Variants in CPHXL observed in about 807,000 individuals in gnomAD.
The protein encoded by CPHXL is cytoplasmic polyadenylated homeobox-like protein.
At chr16:75,718,806 A>G (rs1049753887) in intron 1 of CPHXL, among the ~76,000 whole-genome samples, 2 of 152,240 alleles carry the variant, frequency 1.3e-5, no homozygotes, top group Non-Finnish European at 2.9e-5. Flanking sequence ...ACAGCCTAAC[A>G]TATTTACTAT....
rs377443785 is a variant in CPHXL at position 75,716,702 on chromosome 16, C to T, written c.220-1480G>A. 2.6e-4 allele frequency among the ~76,000 whole-genome samples: 39 copies of T among 152,212 alleles called. No individual in the cohort carries two copies. In the South Asian group the frequency reaches 8.1e-3, roughly 32 times the overall value. On this transcript the variant is annotated intron_variant, in intron 2 of 2. Transcript: ENST00000640559. ...CATTGGCTATTGGTGATCAACTTAA[C>T]CTTCAGCTCCACCTCCTCTCCAGAA... is the stretch of plus-strand genomic sequence containing the variant.
At chr16:75,725,576 C>T (rs1959545012) in intron 1 of CPHXL, among the ~76,000 whole-genome samples, 1 of 151,756 alleles carries the variant, frequency 6.6e-6, no homozygotes, top group South Asian at 2.1e-4. Context: ...CCTCAGCCTC[C>T]CAAGTAGCTG....
rs1021850524 is a variant in CPHXL at position 75,714,313 on chromosome 16, T to C, written c.1129A>G (p.Ile377Val). The change falls in exon 3 of 3, where the codon ATA (isoleucine) becomes GTA (valine). Residue 377 changes from isoleucine (I) to valine (V), a missense_variant. Transcript: ENST00000640559. Reference protein sequence around the residue: ...CSQLQHMSLQIAADSPLLPLG... With the variant: ...CSQLQHMSLQVAADSPLLPLG... ...GGCAGAAGGGGTGAGTCGGCAGCTA[T>C]TTGGAGAGACATGTGCTGCAGTTGA... is the stretch of plus-strand genomic sequence containing the variant. 1.3e-5 allele frequency: 5 copies of C among 398,536 alleles called. No homozygotes were observed. Among genetic ancestry groups the C allele is most frequent in the Non-Finnish European group, 2.2e-5 (5 of 226,102 alleles). 24.7% of individuals were successfully genotyped at this position (398,536 alleles called of 1,614,324 possible).
chr16:75,721,036 A>G (rs1233817070), intron 1 of CPHXL, among the ~76,000 whole-genome samples: 1 of 152,198 alleles, frequency 6.6e-6, no homozygotes, highest in Non-Finnish European at 1.5e-5. Flanking sequence ...AAAATCCTCT[A>G]CAGACAAGCA....
At chr16:75,725,753 CTTTT>C (rs35659823) in intron 1 of CPHXL, among the ~76,000 whole-genome samples, 10 of 43,316 alleles carry the variant, frequency 2.3e-4, no homozygotes, top group East Asian at 3.4e-3. Context: ...TGCCCGGCGT[CTTTT>C]TTTTTTTTTT....
At chr16:75,718,501 G>C (rs1056981367) in intron 1 of CPHXL, 43 bp from the exon 2 acceptor site, 4 of 397,972 alleles carry the variant, frequency 1.0e-5, no homozygotes, top group African/African-American at 6.2e-5. Flanking sequence ...AGAGAATATT[G>C]GTAATAACCA....
intron 1 of CPHXL, among the ~76,000 whole-genome samples, chr16:75,724,782 C>G (rs561813992): frequency 1.3e-5 from 2 of 152,254 alleles, no homozygotes; most frequent in African/African-American, 4.8e-5. Flanking sequence ...TGGGTATATA[C>G]CCAAAGGATT....
At chr16:75,723,921 CAG>C (rs1356749673) in intron 1 of CPHXL, among the ~76,000 whole-genome samples, 1 of 152,184 alleles carries the variant, frequency 6.6e-6, no homozygotes, top group Non-Finnish European at 1.5e-5. Context: ...GGTACCAAAA[CAG>C]AGGTATAGAC....
rs964295558 is a variant in CPHXL, at chr16:75,718,058, T to G, written c.219+207A>C. On this transcript the variant is annotated intron_variant, in intron 2 of 2. Transcript: ENST00000640559. ...GGCAACATGGTGAGACCCCATTTTT[T>G]ACAAAACATAAAAGCCTGGCGGGGT... Among the ~76,000 whole-genome samples the G allele has an allele frequency of 1.3e-4, 9 of 68,654 alleles. No individual in the cohort carries two copies. In the African/African-American group the frequency reaches 1.5e-3, roughly 12 times the overall value. 45.0% of individuals were successfully genotyped at this position (68,654 alleles called of 152,430 possible).
chr16:75,717,152 C>T (rs550748882), intron 2 of CPHXL, among the ~76,000 whole-genome samples: 6 of 152,306 alleles, frequency 3.9e-5, no homozygotes, highest in East Asian at 1.9e-4. Flanking sequence ...TCATTAGTAC[C>T]ATCCACCTGC....
In CPHXL at chr16:75,716,940, T is replaced by A. The variant is rs573975500; in HGVS notation, c.219+1325A>T. On this transcript the variant is annotated intron_variant, in intron 2 of 2. Coordinates refer to ENST00000640559, the MANE Select transcript of CPHXL (RefSeq NM_001355613.1). Reference sequence around the variant, plus strand: ...TCCACTTGGATGTTTATCTGACATATGAAACTTCATGTGTCCAAAATGTAA... The same window carrying A: ...TCCACTTGGATGTTTATCTGACATAAGAAACTTCATGTGTCCAAAATGTAA... Among the ~76,000 whole-genome samples the A allele has an allele frequency of 4.6e-5, 7 of 152,372 alleles. No individual in the cohort carries two copies. The South Asian group carries it at 1.4e-3, about 32-fold the overall frequency.
intron 1 of CPHXL, among the ~76,000 whole-genome samples, chr16:75,719,098 G>A (rs1056617625): frequency 6.6e-6 from 1 of 151,982 alleles, no homozygotes; most frequent in African/African-American, 2.4e-5. Flanking sequence ...TGGCATGCAT[G>A]CTATATTTCA....
intron 1 of CPHXL, 144 bp downstream of exon 1, chr16:75,726,274 G>A (rs1959558516): frequency 2.5e-6 from 1 of 396,606 alleles, no homozygotes; most frequent in Middle Eastern, 6.3e-4. Flanking sequence ...AAGTACCCAT[G>A]AATGCCCTAA....
chr16:75,724,164 A>G (rs1959520377), intron 1 of CPHXL, among the ~76,000 whole-genome samples: 1 of 152,236 alleles, frequency 6.6e-6, no homozygotes, highest in Non-Finnish European at 1.5e-5. Context: ...CTAAAACCAT[A>G]AAAACCCTAG....
At position 75,714,851 on chromosome 16, in the gene CPHXL, C is replaced by A. The variant is rs1373889598; in HGVS notation, c.591G>T (p.Gly197=). The A allele has an allele frequency of 1.0e-5, 4 of 398,684 alleles. No homozygotes were observed. In the East Asian group the frequency reaches 1.4e-4, roughly 14 times the overall value. 24.7% of individuals were successfully genotyped at this position (398,684 alleles called of 1,614,324 possible). The change falls in exon 3 of 3, where the codon GGG becomes GGT. Residue 197 remains glycine (G), a synonymous_variant. Transcript: ENST00000640559. ...GGGAGGCCACCTGTTGACTGGGAAT[C>A]CCTAGTTTCTCCAGATAGGAGCACT... is the stretch of plus-strand genomic sequence containing the variant. ...GSQCSYLEKL[G]IPSQQVASQS...
chr16:75,723,893 C>T (rs1424864196), intron 1 of CPHXL, among the ~76,000 whole-genome samples: 4 of 152,128 alleles, frequency 2.6e-5, no homozygotes, highest in African/African-American at 9.7e-5. Context: ...GGTACTGGTA[C>T]CAAAACAGCA....
chr16:75,716,815 C>G (rs1959399329), intron 2 of CPHXL, among the ~76,000 whole-genome samples: 1 of 152,162 alleles, frequency 6.6e-6, no homozygotes, highest in Admixed American at 6.5e-5. Flanking sequence ...GGCTACCCAC[C>G]CAACAGTCAG....
At chr16:75,716,020 A>T (rs1417064256) in intron 2 of CPHXL, among the ~76,000 whole-genome samples, 1 of 152,048 alleles carries the variant, frequency 6.6e-6, no homozygotes, top group Non-Finnish European at 1.5e-5. Context: ...TCTTATATGT[A>T]CATAATTCTG....
intron 1 of CPHXL, among the ~76,000 whole-genome samples, chr16:75,723,768 A>G (rs1300826786): frequency 1.3e-5 from 2 of 152,180 alleles, no homozygotes; most frequent in Non-Finnish European, 2.9e-5. Flanking sequence ...GTTCATATGG[A>G]ACCAAAAAAG....
Sources: gnomAD v4.1 joint callset for allele counts (sites outside exome capture counted in the v4.1 genomes callset) on GRCh38, gnomAD v4.1.1 for gene constraint, MANE v1.5 for transcripts, NCBI Gene and HGNC (gene_info 2026-07-23, HGNC 2026-07-21) for gene names.